The following PLD5 variants were observed in gnomAD, a reference collection of about 807,000 sequenced individuals.
PLD5 encodes inactive phospholipase D5.
In PLD5, 36 loss-of-function variants were observed where a neutral mutation model predicts 61.1. That is an observed-to-expected ratio of 0.59 (90% confidence interval 0.45 to 0.78). PLD5 has a LOEUF of 0.78. Ranked by LOEUF, PLD5 falls within the 30% of genes least tolerant of loss-of-function variation. The pLI, the probability that PLD5 is intolerant of heterozygous loss-of-function variation, is 0.00. For missense variants in PLD5, 515 were observed against 644.4 expected (o/e 0.80, Z 2.17); for synonymous variants, 243 against 242.8 (o/e 1.00, Z -0.01).
intron 1 of PLD5, among the ~76,000 whole-genome samples, chr1:242,469,545 C>G (rs1000137326): frequency 3.9e-5 from 6 of 152,162 alleles, no homozygotes; most frequent in African/African-American, 1.2e-4. Context: ...GGGTCTTGCT[C>G]TGTGGCCCAG....
At chr1:242,300,268 G>A (rs938418711) in intron 2 of PLD5, among the ~76,000 whole-genome samples, 1 of 152,026 alleles carries the variant, frequency 6.6e-6, no homozygotes, top group African/African-American at 2.4e-5. Flanking sequence ...GTGAAACCCT[G>A]TCTCTACTGA....
chr1:242,465,782 T>G (rs1667259818), intron 1 of PLD5, among the ~76,000 whole-genome samples: 1 of 152,030 alleles, frequency 6.6e-6, no homozygotes, highest in South Asian at 2.1e-4. Context: ...CAAAAAAAAT[T>G]AGCCAGGCAT....
At chr1:242,251,591 T>C (rs1042343508) in intron 4 of PLD5, among the ~76,000 whole-genome samples, 3 of 151,580 alleles carry the variant, frequency 2.0e-5, no homozygotes, top group Admixed American at 6.6e-5. Flanking sequence ...TGCACAGGGG[T>C]AGGACCAGTG....
intron 1 of PLD5, among the ~76,000 whole-genome samples, chr1:242,476,877 G>A (rs756873136): frequency 5.9e-5 from 9 of 152,194 alleles, no homozygotes; most frequent in Non-Finnish European, 8.8e-5. Flanking sequence ...TGAAGACTTG[G>A]CGTGGTGTGT....
intron 9 of PLD5, among the ~76,000 whole-genome samples, chr1:242,093,076 T>G (rs966002632): frequency 1.3e-5 from 2 of 152,196 alleles, no homozygotes; most frequent in African/African-American, 4.8e-5. Context: ...GACGAATTTA[T>G]TTCTGATATA....
chr1:242,166,770 C>A (rs1274655958), intron 5 of PLD5, among the ~76,000 whole-genome samples: 3 of 152,054 alleles, frequency 2.0e-5, no homozygotes, highest in Non-Finnish European at 4.4e-5. Flanking sequence ...AGTTACTGAC[C>A]AAATAGATGC....
intron 4 of PLD5, among the ~76,000 whole-genome samples, chr1:242,246,780 G>A (rs1574603593): frequency 6.6e-6 from 1 of 152,204 alleles, no homozygotes; most frequent in South Asian, 2.1e-4. Context: ...CATAGCCTGG[G>A]GAACACAGTC....
intron 1 of PLD5, among the ~76,000 whole-genome samples, chr1:242,466,734 A>G (rs1272516254): frequency 6.6e-6 from 1 of 152,114 alleles, no homozygotes; most frequent in Non-Finnish European, 1.5e-5. Context: ...CTCTATTAAA[A>G]TCACAAAAAT....
At chr1:242,214,098 A>G (rs567463088) in intron 5 of PLD5, among the ~76,000 whole-genome samples, 1 of 152,162 alleles carries the variant, frequency 6.6e-6, no homozygotes, top group Non-Finnish European at 1.5e-5. Context: ...TCCTGCTGAT[A>G]AACTCCTTCA....
intron 3 of PLD5, among the ~76,000 whole-genome samples, chr1:242,286,855 G>A (rs1334727445): frequency 6.6e-6 from 1 of 152,160 alleles, no homozygotes; most frequent in Non-Finnish European, 1.5e-5. Context: ...CTTCCTTCCA[G>A]AGCCCTTGAT....
chr1:242,473,628 T>C (rs578052473), intron 1 of PLD5, among the ~76,000 whole-genome samples: 1 of 152,206 alleles, frequency 6.6e-6, no homozygotes, highest in African/African-American at 2.4e-5. Context: ...AAAGGCAAAA[T>C]AATCTTGCAG....
At chr1:242,331,594 C>G (rs1479095139) in intron 2 of PLD5, among the ~76,000 whole-genome samples, 1 of 152,110 alleles carries the variant, frequency 6.6e-6, no homozygotes, top group Non-Finnish European at 1.5e-5. Flanking sequence ...ATTGCTAATG[C>G]CTGAACCTGG....
intron 5 of PLD5, among the ~76,000 whole-genome samples, chr1:242,136,386 C>T (rs56703373): frequency 0.048 from 7,372 of 152,190 alleles, 602 homozygotes; most frequent in African/African-American, 0.17. Flanking sequence ...TCTTGACTTA[C>T]ACCTGTTGCT....
At chr1:242,347,149 A>G in intron 2 of PLD5, among the ~76,000 whole-genome samples, 1 of 152,200 alleles carries the variant, frequency 6.6e-6, no homozygotes, top group East Asian at 1.9e-4. Flanking sequence ...CATAAATGCC[A>G]ATTGTCTTTT....
rs139445479 is a variant in PLD5, at chr1:242,248,904, T to G, written c.607+16433A>C. ...GGGTCATGACTGTAATCCCAGTACT[T>G]TAGGAGGCCAAGGCGGGCGGATCAC... On this transcript the variant is annotated intron_variant, in intron 4 of 9. Transcript: ENST00000536534. 2.6e-3 allele frequency among the ~76,000 whole-genome samples: 389 copies of G among 152,204 alleles called. 6 individuals carry two copies. The East Asian group carries it at 0.055, about 21-fold the overall frequency.
chr1:242,461,712 T>G (rs1415409678), intron 1 of PLD5, among the ~76,000 whole-genome samples: 1 of 152,120 alleles, frequency 6.6e-6, no homozygotes, highest in African/African-American at 2.4e-5. Context: ...CAACCAACAG[T>G]GTATAAGCAT....
At chr1:242,484,572 C>T (rs1164146666) in intron 1 of PLD5, among the ~76,000 whole-genome samples, 1 of 151,902 alleles carries the variant, frequency 6.6e-6, no homozygotes, top group African/African-American at 2.4e-5. Context: ...AATTAATAGC[C>T]TACCAACCAA....
At chr1:242,514,840 C>A (rs1669052039) in intron 1 of PLD5, among the ~76,000 whole-genome samples, 1 of 152,074 alleles carries the variant, frequency 6.6e-6, no homozygotes, top group South Asian at 2.1e-4. Flanking sequence ...AGGTGACAAG[C>A]AGCAGTCACC....
intron 5 of PLD5, among the ~76,000 whole-genome samples, chr1:242,163,281 C>G (rs545020765): frequency 6.6e-6 from 1 of 151,974 alleles, no homozygotes; most frequent in South Asian, 2.1e-4. Flanking sequence ...GTAGCTGGGA[C>G]TACAGGCGCC....
Sources: allele counts gnomAD v4.1 joint callset (sites outside exome capture counted in the v4.1 genomes callset), GRCh38; gene constraint gnomAD v4.1.1; transcripts MANE v1.5; gene names NCBI Gene and HGNC (gene_info 2026-07-23, HGNC 2026-07-21).